DPP3: variants seen among roughly 807,000 people sequenced by gnomAD.
The protein encoded by DPP3 is dipeptidyl peptidase 3, also known as DPP III.
A neutral mutation model predicts 89.8 loss-of-function variants in DPP3; 64 were observed. The observed-to-expected ratio is 0.71, with a 90% CI of 0.58 to 0.88. DPP3 has a LOEUF of 0.88. DPP3 is among the 40% of genes least tolerant of loss of function. DPP3 has a pLI of 0.00. For synonymous variants in DPP3, 377 were observed against 404.3 expected, an observed-to-expected ratio of 0.93 and a Z score of 0.81; for missense variants, 835 against 972.5, an observed-to-expected ratio of 0.86 and a Z score of 1.88.
rs1348386597 is a variant in DPP3 at position 66,493,649 on chromosome 11, C to T, written c.1389+16C>T. The T allele has an allele frequency of 6.3e-6, 10 of 1,597,346 alleles. No individual in the cohort carries two copies. Among genetic ancestry groups the T allele is most frequent in the Admixed American group, 5.2e-5 (3 of 57,730 alleles). Reference sequence around the variant, plus strand: ...CTTCGTACAGGTGAGAAGGCAGTGGCCAGCCCTGGCACCCCAGCCTACAGC... The same window carrying T: ...CTTCGTACAGGTGAGAAGGCAGTGGTCAGCCCTGGCACCCCAGCCTACAGC... On this transcript the variant is annotated intron_variant, in intron 12 of 17. Coordinates refer to ENST00000531863, the MANE Select transcript of DPP3 (RefSeq NM_130443.4).
chr11:66,504,101 T>C (rs970325506), intron 16 of DPP3, among the ~76,000 whole-genome samples: 28 of 152,172 alleles, frequency 1.8e-4, no homozygotes, highest in African/African-American at 6.8e-4. Context: ...CAAACAGGCA[T>C]GAAGCCTGTT....
At chr11:66,493,315 C>A in intron 11 of DPP3, 136 bp downstream of exon 11, 2 of 862,116 alleles carry the variant, frequency 2.3e-6, no homozygotes, top group Non-Finnish European at 1.8e-6. Context: ...ACCATGTGAC[C>A]GTGTGGACTT....
chr11:66,495,937 T>G (rs1855525302), intron 15 of DPP3, among the ~76,000 whole-genome samples, 187 bp downstream of exon 15: 1 of 152,048 alleles, frequency 6.6e-6, no homozygotes, highest in East Asian at 1.9e-4. Flanking sequence ...GAAATGGGAG[T>G]AGGACTCTCC....
intron 17 of DPP3, among the ~76,000 whole-genome samples, chr11:66,507,692 T>G (rs1310797368): frequency 1.3e-5 from 2 of 150,926 alleles, no homozygotes; most frequent in African/African-American, 2.4e-5. Flanking sequence ...AAAAAGTTTT[T>G]TTTTTTTTTT....
intron 3 of DPP3, 76 bp downstream of exon 3, chr11:66,485,338 C>G (rs1855197657): frequency 7.1e-7 from 1 of 1,416,750 alleles, no homozygotes; most frequent in African/African-American, 1.4e-5. Flanking sequence ...GTAGAAGGAG[C>G]CCCAACTGGA....
chr11:66,480,510 C>A, intron 1 of DPP3, 45 bp downstream of exon 1: 1 of 1,471,786 alleles, frequency 6.8e-7, no homozygotes, highest in Non-Finnish European at 8.9e-7. Context: ...CGTGTCATCC[C>A]GGGGGACCAA....
At chr11:66,508,557 C>T (rs1258254091) in intron 17 of DPP3, among the ~76,000 whole-genome samples, 1 of 152,148 alleles carries the variant, frequency 6.6e-6, no homozygotes, top group Non-Finnish European at 1.5e-5. Flanking sequence ...TGGAATCTCA[C>T]TGTCACCCAG....
At chr11:66,494,781 C>T (rs1855486952) in intron 12 of DPP3, among the ~76,000 whole-genome samples, 1 of 152,176 alleles carries the variant, frequency 6.6e-6, no homozygotes, top group Non-Finnish European at 1.5e-5. Context: ...AGACGCATGG[C>T]ATGCAGTGGG....
At chr11:66,506,554 C>T (rs1467871955) in intron 17 of DPP3, among the ~76,000 whole-genome samples, 2 of 152,138 alleles carry the variant, frequency 1.3e-5, no homozygotes, top group Admixed American at 6.6e-5. Context: ...CATGCCCAGC[C>T]GGAAAAAGCA....
chr11:66,500,110 T>C (rs1855643332), intron 16 of DPP3, among the ~76,000 whole-genome samples: 1 of 152,188 alleles, frequency 6.6e-6, no homozygotes, highest in Middle Eastern at 3.4e-3. Context: ...TCCCAGCACT[T>C]TGGGAGGCCA....
chr11:66,488,271 G>A (rs1454278806), intron 6 of DPP3, among the ~76,000 whole-genome samples: 1 of 152,196 alleles, frequency 6.6e-6, no homozygotes, highest in Non-Finnish European at 1.5e-5. Context: ...CGATGAGGTT[G>A]GCCCTTCAGG....
At chr11:66,504,834 G>T in intron 17 of DPP3, 60 bp downstream of exon 17, 1 of 1,510,980 alleles carries the variant, frequency 6.6e-7, no homozygotes, top group South Asian at 1.3e-5. Context: ...AGGGCCCTCT[G>T]GGAAGCAGTA....
At chr11:66,497,628 C>T (rs1027381693) in intron 16 of DPP3, 151 bp downstream of exon 16, 10 of 1,140,492 alleles carry the variant, frequency 8.8e-6, no homozygotes, top group Admixed American at 5.7e-5. Flanking sequence ...GGGTGCCTCA[C>T]GCCTGTGATC....
rs1441518655 is a variant in DPP3, at chr11:66,482,470, G to T, written c.270G>T (p.Gln90His). ...LAEGLTEEEYQAFLVYAAGVY... is the reference protein window; with the variant it reads ...LAEGLTEEEYHAFLVYAAGVY... ...AAGGCCTTACCGAGGAGGAGTATCA[G>T]GTCAGTTCTCTTGGGCCAACCCACA... Residue 90 changes from glutamine to histidine, a missense_variant and splice_region_variant, in exon 2 of 18, where the codon CAG becomes CAT. Coordinates refer to ENST00000531863, the MANE Select transcript of DPP3 (RefSeq NM_130443.4). 6.2e-7 allele frequency: 1 copy of T among 1,602,634 alleles called. No individual in the cohort carries two copies. The highest frequency in any genetic ancestry group is 8.5e-7 in the Non-Finnish European group (1 of 1,178,780).
At chr11:66,484,231 C>G (rs1855163460) in intron 2 of DPP3, among the ~76,000 whole-genome samples, 1 of 152,186 alleles carries the variant, frequency 6.6e-6, no homozygotes, top group South Asian at 2.1e-4. Flanking sequence ...CCGCCTCGGC[C>G]TCCCAGAGTG....
chr11:66,493,611 G>A lies in DPP3; in HGVS notation c.1367G>A (p.Gly456Asp), dbSNP rs769868902. The change falls in exon 12 of 18, where the codon GGC (glycine) becomes GAC (aspartate). Residue 456 changes from glycine (G) to aspartate (D), a missense_variant. Gly to Asp is a moderately conservative substitution (Grantham distance 94). Coordinates refer to ENST00000531863, the MANE Select transcript of DPP3 (RefSeq NM_130443.4). ...GGCCTGCACGAGCTGCTGGGCCATG[G>A]CAGTGGCAAGCTCTTCGTACAGGTG... ...QVGLHELLGH[G>D]SGKLFVQDEK... The A allele has an allele frequency of 1.9e-6, 3 of 1,612,648 alleles. No homozygotes were observed. The highest frequency in any genetic ancestry group is 2.5e-6 in the Non-Finnish European group (3 of 1,179,746).
At chr11:66,497,559 T>C in intron 16 of DPP3, 82 bp downstream of exon 16, 1 of 1,505,634 alleles carries the variant, frequency 6.6e-7, no homozygotes, top group Non-Finnish European at 8.9e-7. Context: ...GAGAATAAGC[T>C]GTGAGCAGTT....
At position 66,509,506 on chromosome 11, in the gene DPP3, AC is replaced by A; in HGVS notation, c.*257del. The A allele has an allele frequency of 8.1e-7, 1 of 1,228,242 alleles. No homozygotes were observed. Among genetic ancestry groups the A allele is most frequent in the Non-Finnish European group, 1.2e-6 (1 of 866,796 alleles). The allele number at this position is 1,228,242 out of a possible 1,614,324, so 76.1% of individuals were successfully genotyped here. A position where few individuals can be genotyped will look rare whatever the true frequency, so the allele number is the denominator to read the frequency against. On this transcript the variant is annotated 3_prime_UTR_variant, in exon 18 of 18. Transcript: ENST00000531863. ...CAAGACAGGGCTTACCATCCTGTCT[AC>A]CAGATGAGGAAATGGCAGTTCTGAG...
intron 8 of DPP3, 27 bp from the exon 9 acceptor site, chr11:66,491,671 C>T (rs1565269834): frequency 6.2e-7 from 1 of 1,611,214 alleles, no homozygotes; most frequent in South Asian, 1.1e-5. Context: ...CCTGCCCCTC[C>T]TCCACCTCTG....
Sources: allele counts gnomAD v4.1 joint callset (sites outside exome capture counted in the v4.1 genomes callset), GRCh38; gene constraint gnomAD v4.1.1; transcripts MANE v1.5; gene names NCBI Gene and HGNC (gene_info 2026-07-23, HGNC 2026-07-21).